The following CDH18 variants were observed in gnomAD, a reference collection of about 807,000 sequenced individuals.
CDH18 encodes cadherin 18.
CDH18 carries 31 observed loss-of-function variants against 67.9 expected under a neutral mutation model. The ratio of observed to expected loss-of-function variants is 0.46; its 90% CI spans 0.34 to 0.62. CDH18 has a LOEUF of 0.62. CDH18 is among the 20% of genes least tolerant of loss of function. The pLI is 0.01. For missense variants in CDH18, 890 were observed against 975.5 expected, an observed-to-expected ratio of 0.91 and a Z score of 1.17; for synonymous variants, 362 against 347.2, an observed-to-expected ratio of 1.04 and a Z score of -0.48.
intron 3 of CDH18, among the ~76,000 whole-genome samples, chr5:19,791,045 T>G (rs1561307101): frequency 6.6e-6 from 1 of 152,038 alleles, no homozygotes; most frequent in Non-Finnish European, 1.5e-5. Context: ...GGGAAGAGAC[T>G]TAGAGTCCAG....
At chr5:19,981,931 C>A (rs941839568) in intron 1 of CDH18, among the ~76,000 whole-genome samples, 1 of 152,086 alleles carries the variant, frequency 6.6e-6, no homozygotes, top group Non-Finnish European at 1.5e-5. Flanking sequence ...TTCTCTTTAA[C>A]AATTTTCTAC....
At chr5:20,537,112 T>C (rs1181164119) in intron 1 of CDH18, among the ~76,000 whole-genome samples, 1 of 152,192 alleles carries the variant, frequency 6.6e-6, no homozygotes, top group Non-Finnish European at 1.5e-5. Flanking sequence ...TTTTCTCACA[T>C]AATCTTATCA....
At chr5:19,546,883 GACCATTGT>G (rs1428222142) in intron 8 of CDH18, among the ~76,000 whole-genome samples, 1 of 152,090 alleles carries the variant, frequency 6.6e-6, no homozygotes, top group African/African-American at 2.4e-5. Flanking sequence ...ACAAGGAACT[GACCATTGT>G]ACATTAAATT....
In CDH18 at chr5:19,614,593, T is replaced by C. The variant is rs567010953; in HGVS notation, c.644-1992A>G. On this transcript the variant is annotated intron_variant, in intron 5 of 12. Transcript: ENST00000382275. The stretch of plus-strand genomic sequence containing the variant: ...TGTCTTTCCTAAGGAGAATTAATTA[T>C]AAATAGGACTTGTCTTTGGTGGGGA... 5.9e-5 allele frequency among the ~76,000 whole-genome samples: 9 copies of C among 152,238 alleles called. No homozygotes were observed. In the South Asian group the frequency reaches 1.9e-3, roughly 32 times the overall value.
chr5:20,473,387 T>C (rs1401874665), intron 1 of CDH18, among the ~76,000 whole-genome samples: 1 of 151,998 alleles, frequency 6.6e-6, no homozygotes, highest in Non-Finnish European at 1.5e-5. Context: ...GTGACAGGAC[T>C]TTTATACTTG....
chr5:19,715,229 G>C (rs1473592756), intron 5 of CDH18, among the ~76,000 whole-genome samples: 1 of 152,072 alleles, frequency 6.6e-6, no homozygotes, highest in South Asian at 2.1e-4. Flanking sequence ...AGGTAATAGA[G>C]AACCAAAAAA....
chr5:19,680,409 A>G (rs1215984288), intron 5 of CDH18, among the ~76,000 whole-genome samples: 2 of 152,152 alleles, frequency 1.3e-5, no homozygotes, highest in South Asian at 2.1e-4. Context: ...ATTGCAACAA[A>G]AACAAAAATT....
At chr5:20,086,478 A>G (rs1020265393) in intron 2 of CDH18, among the ~76,000 whole-genome samples, 64 of 152,200 alleles carry the variant, frequency 4.2e-4, no homozygotes, top group African/African-American at 1.5e-3. Flanking sequence ...TTGGAAGAAG[A>G]TTCTATCTAG....
intron 1 of CDH18, among the ~76,000 whole-genome samples, chr5:20,405,688 T>A (rs1746183425): frequency 6.6e-6 from 1 of 152,132 alleles, no homozygotes; most frequent in African/African-American, 2.4e-5. Flanking sequence ...AATCTACTCA[T>A]CTGACAAAGG....
intron 3 of CDH18, among the ~76,000 whole-genome samples, chr5:19,800,750 G>T (rs1777375416): frequency 6.6e-6 from 1 of 152,066 alleles, no homozygotes; most frequent in South Asian, 2.1e-4. Flanking sequence ...ACTATTATAG[G>T]TTGGTTTTTA....
intron 5 of CDH18, among the ~76,000 whole-genome samples, chr5:19,691,656 G>A (rs922552389): frequency 6.6e-6 from 1 of 151,776 alleles, no homozygotes; most frequent in African/African-American, 2.4e-5. Context: ...AAATACCTAG[G>A]AATAAATTTA....
chr5:20,519,682 G>T (rs62355216), intron 1 of CDH18, among the ~76,000 whole-genome samples: 26,927 of 151,402 alleles, frequency 0.18, 2,891 homozygotes, highest in East Asian at 0.39. Context: ...TTTGTCCTTT[G>T]TGAGATTGTT....
At position 20,525,397 on chromosome 5, in the gene CDH18, T is replaced by C. The variant is rs543747009; in HGVS notation, c.-580+50065A>G. The stretch of plus-strand genomic sequence containing the variant: ...TGTGGATCTGTCCACATAGGACTTA[T>C]GCAGGCCGCAGAATTTACAGGCTGA... On this transcript the variant is annotated intron_variant, in intron 1 of 14. Coordinates refer to the CDH18 transcript ENST00000507958. Among the ~76,000 whole-genome samples the C allele has an allele frequency of 3.1e-4, 47 of 152,220 alleles. 2 individuals are homozygous for C. In the South Asian group the frequency reaches 6.4e-3, roughly 21 times the overall value.
intron 2 of CDH18, among the ~76,000 whole-genome samples, chr5:20,223,477 T>C (rs1361622839): frequency 6.6e-6 from 1 of 152,142 alleles, no homozygotes; most frequent in Non-Finnish European, 1.5e-5. Context: ...TTTAAGTTAA[T>C]GCTGAAATGA....
At chr5:19,981,887 T>C (rs962853366) in intron 1 of CDH18, among the ~76,000 whole-genome samples, 5 of 152,164 alleles carry the variant, frequency 3.3e-5, no homozygotes, top group Non-Finnish European at 5.9e-5. Context: ...CATCTATCTC[T>C]TGACAATTTT....
intron 1 of CDH18, among the ~76,000 whole-genome samples, chr5:20,387,892 C>G (rs1562023154): frequency 6.6e-6 from 1 of 152,164 alleles, no homozygotes; most frequent in Non-Finnish European, 1.5e-5. Flanking sequence ...TATGTTGAAC[C>G]AGCCTTGCAT....
chr5:20,051,308 A>G (rs1167301778), intron 2 of CDH18, among the ~76,000 whole-genome samples: 1 of 151,974 alleles, frequency 6.6e-6, no homozygotes, highest in Non-Finnish European at 1.5e-5. Context: ...TAAACAAACT[A>G]CATGTATGTG....
chr5:19,639,193 G>A (rs1753683855), intron 5 of CDH18, among the ~76,000 whole-genome samples: 1 of 151,598 alleles, frequency 6.6e-6, no homozygotes, highest in South Asian at 2.1e-4. Flanking sequence ...TAGTAGAGAC[G>A]GGGTTTCACC....
chr5:19,834,679 C>G (rs185081699), intron 3 of CDH18, among the ~76,000 whole-genome samples: 1 of 152,248 alleles, frequency 6.6e-6, no homozygotes, highest in African/African-American at 2.4e-5. Context: ...AAATTTCCCT[C>G]TTAACACTGC....
Sources: allele counts gnomAD v4.1 joint callset (sites outside exome capture counted in the v4.1 genomes callset), GRCh38; gene constraint gnomAD v4.1.1; transcripts MANE v1.5; gene names NCBI Gene and HGNC (gene_info 2026-07-23, HGNC 2026-07-21).